TRAPPC10: variants seen among roughly 807,000 people sequenced by gnomAD.
TRAPPC10 encodes trafficking protein particle complex subunit 10.
A neutral mutation model predicts 125.5 loss-of-function variants in TRAPPC10; 23 were observed. The observed-to-expected ratio is 0.18, with a 90% CI of 0.13 to 0.26. TRAPPC10 has a LOEUF of 0.26. Among genes scored for constraint, TRAPPC10 ranks in the 10% least tolerant of loss-of-function variants. The pLI, the probability that TRAPPC10 is intolerant of heterozygous loss-of-function variation, is 1.00. For synonymous variants in TRAPPC10, 509 were observed against 518.0 expected (o/e 0.98, Z 0.24); for missense variants, 1,123 against 1,308.4 (o/e 0.86, Z 2.19).
chr21:44,073,949 C>G (rs116010542), intron 7 of TRAPPC10, among the ~76,000 whole-genome samples: 2,562 of 151,746 alleles, frequency 0.017, 71 homozygotes, highest in African/African-American at 0.058. Flanking sequence ...AGTAAATGAT[C>G]ATATTTGGTC....
chr21:44,059,126 G>A lies in TRAPPC10; in HGVS notation c.702G>A (p.Glu234=). The A allele has an allele frequency of 1.9e-6, 3 of 1,597,900 alleles. No individual in the cohort carries two copies. The South Asian group carries it at 3.4e-5, about 18-fold the overall frequency. ...AGGAGGAGCTTGCCTTTGTTTTCGA[G>A]ATGCTGCAGCAGTTCGAGGACGCCC... ...MVQEELAFVF[E]MLQQFEDALV... Residue 234 remains glutamate, a synonymous_variant, in exon 6 of 23, where the codon GAG becomes GAA. Transcript: ENST00000291574. This position sits in a 1 kb window ranked among gnomAD's most constrained non-coding sequence, Gnocchi z 4.4.
intron 13 of TRAPPC10, among the ~76,000 whole-genome samples, chr21:44,081,619 A>C (rs902989524): frequency 1.3e-5 from 2 of 152,158 alleles, no homozygotes; most frequent in African/African-American, 4.8e-5. Context: ...CTGACCCTGA[A>C]ACTTCTAGGA....
chr21:44,042,897 T>G (rs1038427184), intron 3 of TRAPPC10, among the ~76,000 whole-genome samples: 3 of 152,200 alleles, frequency 2.0e-5, no homozygotes, highest in African/African-American at 7.2e-5. Flanking sequence ...TAGGGAGGCC[T>G]TGTCTGTCTG....
chr21:44,076,787 T>C (rs916341387), intron 10 of TRAPPC10, among the ~76,000 whole-genome samples, 159 bp downstream of exon 10: 2 of 152,098 alleles, frequency 1.3e-5, no homozygotes, highest in African/African-American at 2.4e-5. Flanking sequence ...GGACAAAACA[T>C]GGAGTAGTTC....
intron 17 of TRAPPC10, 42 bp from the exon 18 acceptor site, chr21:44,089,791 G>C (rs1420087861): frequency 6.6e-7 from 1 of 1,521,090 alleles, no homozygotes; most frequent in African/African-American, 1.4e-5. Context: ...TGTGCTGTCC[G>C]TCGGCGAGTG....
intron 12 of TRAPPC10, 145 bp downstream of exon 12, chr21:44,079,849 A>C: frequency 9.0e-7 from 1 of 1,105,244 alleles, no homozygotes; most frequent in Non-Finnish European, 1.3e-6. Context: ...AAATGAATGA[A>C]ATGTCTAGTC....
At chr21:44,012,868 G>A (rs1014004189) in intron 1 of TRAPPC10, among the ~76,000 whole-genome samples, 1 of 151,946 alleles carries the variant, frequency 6.6e-6, no homozygotes, top group Non-Finnish European at 1.5e-5. Context: ...AGGAGCGGGG[G>A]CTGCCACCGC....
At chr21:44,037,365 A>C (rs2034067122) in intron 2 of TRAPPC10, among the ~76,000 whole-genome samples, 1 of 152,232 alleles carries the variant, frequency 6.6e-6, no homozygotes, top group Non-Finnish European at 1.5e-5. Flanking sequence ...TCTTGGATAA[A>C]ATACAAGTTG....
At chr21:44,013,804 G>C (rs930399757) in intron 1 of TRAPPC10, among the ~76,000 whole-genome samples, 4 of 152,104 alleles carry the variant, frequency 2.6e-5, no homozygotes, top group Admixed American at 6.5e-5. Flanking sequence ...TTTAAAATTG[G>C]AGACTTGCAT....
chr21:44,054,126 T>G (rs1332537581), intron 4 of TRAPPC10, among the ~76,000 whole-genome samples: 1 of 152,204 alleles, frequency 6.6e-6, no homozygotes, highest in Non-Finnish European at 1.5e-5. Context: ...GCCTTAAGGA[T>G]AAACTACCTA....
At chr21:44,064,055 C>T (rs775141260) in intron 7 of TRAPPC10, among the ~76,000 whole-genome samples, 53 of 152,206 alleles carry the variant, frequency 3.5e-4, no homozygotes, top group Non-Finnish European at 2.6e-4. Context: ...TGGCTGACTG[C>T]GGCCTGTGCT....
At chr21:44,012,933 C>A (rs1569130815) in intron 1 of TRAPPC10, among the ~76,000 whole-genome samples, 1 of 152,252 alleles carries the variant, frequency 6.6e-6, no homozygotes, top group Middle Eastern at 3.4e-3. Flanking sequence ...CCGGCCTCTT[C>A]CGCCGGGCGG....
At chr21:44,068,530 G>T (rs2036619784) in intron 7 of TRAPPC10, among the ~76,000 whole-genome samples, 1 of 152,202 alleles carries the variant, frequency 6.6e-6, no homozygotes, top group Admixed American at 6.5e-5. Context: ...GAGGCAGAGA[G>T]AGGTGAAGAG....
chr21:44,046,653 AGGCAGCC>A, intron 3 of TRAPPC10: 2 of 237,534 alleles, frequency 8.4e-6, no homozygotes, highest in South Asian at 1.2e-4. Flanking sequence ...CTGGGATTAT[AGGCAGCC>A]ACCACGCCCG....
At position 44,082,961 on chromosome 21, in the gene TRAPPC10, A is replaced by G; in HGVS notation, c.1897A>G (p.Ile633Val). 6.2e-7 allele frequency: 1 copy of G among 1,614,096 alleles called. No homozygotes were observed. The highest frequency in any genetic ancestry group is 8.5e-7 in the Non-Finnish European group (1 of 1,180,010). ...GATTGTGGTCAATGTCCACTTCAGCATTGAGAAAAACAGCTACCGGAAGAC... is the reference window on the plus strand; with the variant it reads ...GATTGTGGTCAATGTCCACTTCAGCGTTGAGAAAAACAGCTACCGGAAGAC... ...EQIVVNVHFS[I>V]EKNSYRKTAE... The change falls in exon 14 of 23, where the codon ATT (isoleucine) becomes GTT (valine). Residue 633 changes from isoleucine (I) to valine (V), a missense_variant. By Grantham distance (29) the Ile-to-Val change is conservative. Coordinates refer to ENST00000291574, the MANE Select transcript of TRAPPC10 (RefSeq NM_003274.5). This position sits in a 1 kb window ranked among gnomAD's most constrained non-coding sequence, Gnocchi z 4.4.
At chr21:44,029,252 A>G (rs1178038851) in intron 1 of TRAPPC10, among the ~76,000 whole-genome samples, 3 of 151,812 alleles carry the variant, frequency 2.0e-5, no homozygotes, top group African/African-American at 2.4e-5. Context: ...CTGCCACCAC[A>G]CCCAGCTAAT....
intron 11 of TRAPPC10, among the ~76,000 whole-genome samples, chr21:44,078,370 T>C (rs2245372): frequency 0.31 from 47,031 of 151,038 alleles, 10,251 homozygotes; most frequent in African/African-American, 0.62. Flanking sequence ...CAGTGGGTCA[T>C]GTGGTTACCA....
intron 3 of TRAPPC10, among the ~76,000 whole-genome samples, chr21:44,044,174 A>AATGTGG (rs939891828): frequency 6.6e-6 from 1 of 152,122 alleles, no homozygotes; most frequent in Non-Finnish European, 1.5e-5. Context: ...TGAATCAGGG[A>AATGTGG]ATGTGGTATG....
At chr21:44,072,345 C>T (rs1389913473) in intron 7 of TRAPPC10, among the ~76,000 whole-genome samples, 1 of 152,232 alleles carries the variant, frequency 6.6e-6, no homozygotes, top group African/African-American at 2.4e-5. Flanking sequence ...CCAGCGTCCT[C>T]TGCCGCGGCT....
Sources: gnomAD v4.1 joint callset for allele counts (sites outside exome capture counted in the v4.1 genomes callset) on GRCh38, gnomAD v4.1.1 for gene constraint, Gnocchi (gnomAD v3.1) non-coding constraint, MANE v1.5 for transcripts, NCBI Gene and HGNC (gene_info 2026-07-23, HGNC 2026-07-21) for gene names.